The following LAMA2 variants were observed in gnomAD, a reference collection of about 807,000 sequenced individuals.
LAMA2 encodes laminin subunit alpha 2.
LAMA2 carries 269 observed loss-of-function variants against 364.8 expected under a neutral mutation model. That is an observed-to-expected ratio of 0.74 (90% confidence interval 0.67 to 0.82). The LOEUF is 0.82. Among genes scored for constraint, LAMA2 ranks in the 40% least tolerant of loss-of-function variants. The pLI is 0.00. For missense variants in LAMA2, 3,807 were observed against 3,873.2 expected (o/e 0.98, Z 0.45); for synonymous variants, 1,379 against 1,370.6 (o/e 1.01, Z -0.14).
rs186682791 is a variant in LAMA2, at chr6:129,091,720, T to C, written c.397-6453T>C. Among the ~76,000 whole-genome samples, 417 of 152,352 alleles carry C rather than the reference T, an allele frequency of 2.7e-3. 2 individuals carry two copies. Among genetic ancestry groups the C allele is most frequent in the African/African-American group, 9.6e-3 (400 of 41,584 alleles). On this transcript the variant is annotated intron_variant, in intron 3 of 64. Coordinates refer to ENST00000421865, the MANE Select transcript of LAMA2 (RefSeq NM_000426.4). ...TCCTCCTGAACTCCCCACCACATTA[T>C]TCTAGGTTTATTGAAGTAAATGTAA...
intron 4 of LAMA2, among the ~76,000 whole-genome samples, chr6:129,122,082 T>C (rs1477267525): frequency 6.6e-6 from 1 of 152,226 alleles, no homozygotes; most frequent in East Asian, 1.9e-4. Flanking sequence ...AGCAAAACTT[T>C]CAAGTTTTTT....
At chr6:129,166,214 C>T (rs1658904369) in intron 9 of LAMA2, among the ~76,000 whole-genome samples, 3 of 152,128 alleles carry the variant, frequency 2.0e-5, no homozygotes, top group Admixed American at 6.6e-5. Context: ...AAGCTAAAGC[C>T]TTCCTTTGAG....
intron 4 of LAMA2, among the ~76,000 whole-genome samples, chr6:129,133,004 A>G (rs910969000): frequency 6.6e-6 from 1 of 152,180 alleles, no homozygotes; most frequent in Non-Finnish European, 1.5e-5. Context: ...CTGAACACAC[A>G]CACAAACACA....
Position 129,159,251 on chromosome 6 carries a change from T to C in LAMA2, c.1206+4568T>C, listed in dbSNP as rs535506135. On this transcript the variant is annotated intron_variant, in intron 8 of 64. Transcript: ENST00000421865. ...GCAAGCACTTGACAATGACTTCAAC[T>C]CCCACTGCTTTCTTACGACTCCTCC... 35 of 783,104 alleles carry C rather than the reference T, an allele frequency of 4.5e-5. 1 individual carries two copies. The South Asian group carries it at 4.9e-4, about 11-fold the overall frequency. 48.5% of individuals were successfully genotyped at this position (783,104 alleles called of 1,614,324 possible). A position where few individuals can be genotyped will look rare whatever the true frequency, so the allele number is the denominator to read the frequency against.
At chr6:129,226,931 C>G (rs183218025) in intron 12 of LAMA2, among the ~76,000 whole-genome samples, 64 of 152,228 alleles carry the variant, frequency 4.2e-4, no homozygotes, top group African/African-American at 1.5e-3. Flanking sequence ...GAATGTTTTC[C>G]AACTTGGTTC....
intron 35 of LAMA2, among the ~76,000 whole-genome samples, chr6:129,390,458 T>C (rs1032104159): frequency 2.0e-5 from 3 of 152,052 alleles, no homozygotes; most frequent in African/African-American, 7.2e-5. Flanking sequence ...TAGAAATTAA[T>C]TTTCAGGAAT....
intron 3 of LAMA2, among the ~76,000 whole-genome samples, chr6:129,088,185 CAT>C (rs1774513759): frequency 6.7e-6 from 1 of 148,814 alleles, no homozygotes; most frequent in Admixed American, 6.8e-5. Flanking sequence ...GGACACAGCA[CAT>C]GTTTCAGAGA....
chr6:129,006,336 T>C (rs1469739646), intron 1 of LAMA2, among the ~76,000 whole-genome samples: 1 of 152,210 alleles, frequency 6.6e-6, no homozygotes, highest in Non-Finnish European at 1.5e-5. Context: ...ATCTTTTAAC[T>C]TGTGCCAATA....
intron 20 of LAMA2, among the ~76,000 whole-genome samples, chr6:129,291,954 G>A (rs918758481): frequency 6.6e-6 from 1 of 151,812 alleles, no homozygotes; most frequent in Non-Finnish European, 1.5e-5. Context: ...TATTATATTC[G>A]CTTTAATTCA....
intron 4 of LAMA2, among the ~76,000 whole-genome samples, chr6:129,100,117 G>C (rs889062974): frequency 5.3e-5 from 8 of 152,088 alleles, no homozygotes; most frequent in African/African-American, 1.9e-4. Context: ...TGTAACATGC[G>C]TGTCACAAGC....
chr6:129,067,980 AACTT>A (rs1222678795), intron 3 of LAMA2, among the ~76,000 whole-genome samples: 1 of 152,136 alleles, frequency 6.6e-6, no homozygotes, highest in Non-Finnish European at 1.5e-5. Context: ...ATCACCATCT[AACTT>A]ACTATGTACA....
In LAMA2 at chr6:129,143,944, C is replaced by T; in HGVS notation, c.683C>T (p.Pro228Leu). Reference sequence around the variant, plus strand: ...AATGGGAGACCAAGTGCCGATGATCCTTCTCCAGAACTGCTAGAATTTACC... The same window carrying T: ...AATGGGAGACCAAGTGCCGATGATCTTTCTCCAGAACTGCTAGAATTTACC... ...LINGRPSADD[P>L]SPELLEFTSA... The change falls in exon 5 of 65, where the codon CCT becomes CTT. Residue 228 changes from proline to leucine, a missense_variant. Around this residue, in one of 3 missense-constraint regions of LAMA2, gnomAD observed 394 missense variants for 403.5 expected, o/e 0.98. Transcript: ENST00000421865. 3 of 1,611,380 alleles carry T rather than the reference C, an allele frequency of 1.9e-6. No homozygotes were observed. Among genetic ancestry groups the T allele is most frequent in the African/African-American group, 1.3e-5 (1 of 74,810 alleles).
At position 129,366,301 on chromosome 6, in the gene LAMA2, T is replaced by A; in HGVS notation, c.4800T>A (p.Gly1600=). ...TGGTCATGAGCATCAACCTCACTGG[T>A]CCGCTGCCTGCGCCATATAAAATGC... ...EQMVMSINLT[G]PLPAPYKMLY... Residue 1600 remains glycine (G), a synonymous_variant, in exon 33 of 65, where the codon GGT becomes GGA. Transcript: ENST00000421865. 1 of 1,613,980 alleles carries A rather than the reference T, an allele frequency of 6.2e-7. No individual in the cohort carries two copies. The highest frequency in any genetic ancestry group is 8.5e-7 in the Non-Finnish European group (1 of 1,179,974).
At position 129,224,401 on chromosome 6, in the gene LAMA2, A is replaced by G. The variant is rs370694473; in HGVS notation, c.1783-25711A>G. On this transcript the variant is annotated intron_variant, in intron 12 of 64. Transcript: ENST00000421865. ...CACTATGTTGAATAGGAGTGGTGAG[A>G]GAGGGCATCCCTGTCTTGTGCCAGT... is the stretch of plus-strand genomic sequence containing the variant. 3.5e-4 allele frequency among the ~76,000 whole-genome samples: 54 copies of G among 152,256 alleles called. 1 individual carries two copies. In the East Asian group the frequency reaches 8.5e-3, roughly 24 times the overall value.
intron 4 of LAMA2, among the ~76,000 whole-genome samples, chr6:129,110,106 T>C (rs866904901): frequency 9.5e-5 from 13 of 137,192 alleles, no homozygotes; most frequent in Middle Eastern, 7.2e-3. Context: ...TAGCACCTTA[T>C]TGCAAAAAAA....
intron 53 of LAMA2, among the ~76,000 whole-genome samples, chr6:129,477,425 T>G (rs1784120665): frequency 6.6e-6 from 1 of 152,208 alleles, no homozygotes; most frequent in South Asian, 2.1e-4. Context: ...CTGTGTGCAG[T>G]GCTATTCCTT....
chr6:129,416,054 T>C (rs1309880815), intron 40 of LAMA2, among the ~76,000 whole-genome samples: 1 of 74,180 alleles, frequency 1.3e-5, no homozygotes, highest in Non-Finnish European at 2.6e-5. Context: ...GTTCACGCCA[T>C]TCTCCTGCCT....
Position 129,500,840 on chromosome 6 carries a change from A to C in LAMA2, c.8245-1819A>C, listed in dbSNP as rs575821054. Among the ~76,000 whole-genome samples, 90 of 152,312 alleles carry C rather than the reference A, an allele frequency of 5.9e-4. 1 individual carries two copies. The highest frequency in any genetic ancestry group is 2.0e-3 in the African/African-American group (84 of 41,570). On this transcript the variant is annotated intron_variant, in intron 58 of 64. Transcript: ENST00000421865. ...CAACTGCCACCTTGAAAATTTTTTA[A>C]ATTTTAATAGAGAAGTTATATTGAC...
rs1554297406 is a variant in LAMA2 at position 129,439,825 on chromosome 6, C to CACATAT, written c.6086-990_6086-989insCATATA. Among the ~76,000 whole-genome samples the CACATAT allele has an allele frequency of 3.1e-4, 38 of 123,694 alleles. No individual in the cohort carries two copies. In the East Asian group the frequency reaches 9.7e-3, roughly 31 times the overall value. The allele number at this position is 123,694 out of a possible 152,430, so 81.1% of individuals were successfully genotyped here. Reference sequence around the variant, plus strand: ...GCTTCATTTGCTTGCATCAATTGGTCATATATATATATATATATATATATC... The same window carrying CACATAT: ...GCTTCATTTGCTTGCATCAATTGGTCACATATATATATATATATATATATATATATC... On this transcript the variant is annotated intron_variant, in intron 42 of 64. Coordinates refer to ENST00000421865, the MANE Select transcript of LAMA2 (RefSeq NM_000426.4).
Sources: allele counts gnomAD v4.1 joint callset (sites outside exome capture counted in the v4.1 genomes callset), GRCh38; gene constraint gnomAD v4.1.1; regional missense constraint gnomAD v4.1.1; transcripts MANE v1.5; gene names NCBI Gene and HGNC (gene_info 2026-07-23, HGNC 2026-07-21).